Variants in MACROD2 observed in about 807,000 individuals in gnomAD.
MACROD2 encodes mono-ADP ribosylhydrolase 2.
MACROD2 carries 36 observed loss-of-function variants against 70.4 expected under a neutral mutation model. That is an observed-to-expected ratio of 0.51 (90% CI 0.39 to 0.68). MACROD2 has a LOEUF of 0.68. Among genes scored for constraint, MACROD2 ranks in the 30% least tolerant of loss-of-function variants. The pLI is 0.00. For missense variants in MACROD2, 496 were observed against 538.4 expected, an observed-to-expected ratio of 0.92 and a Z score of 0.78; for synonymous variants, 172 against 178.8, an observed-to-expected ratio of 0.96 and a Z score of 0.30.
At chr20:15,143,267 G>A (rs2076205852) in intron 5 of MACROD2, among the ~76,000 whole-genome samples, 1 of 152,196 alleles carries the variant, frequency 6.6e-6, no homozygotes, top group Non-Finnish European at 1.5e-5. Context: ...GGCCAGTGAT[G>A]ATGAGCATTT....
intron 5 of MACROD2, among the ~76,000 whole-genome samples, chr20:14,728,398 C>T (rs902390662): frequency 6.6e-6 from 1 of 151,870 alleles, no homozygotes; most frequent in Non-Finnish European, 1.5e-5. Context: ...TTTCTTTATT[C>T]TTCTCATATT....
chr20:15,811,134 A>G (rs1372546916), intron 8 of MACROD2, among the ~76,000 whole-genome samples: 3 of 152,212 alleles, frequency 2.0e-5, no homozygotes, highest in Admixed American at 1.3e-4. Context: ...AGAAACTGCC[A>G]TCAGAGTGAA....
intron 5 of MACROD2, among the ~76,000 whole-genome samples, chr20:15,018,742 G>A (rs922927924): frequency 1.4e-4 from 21 of 152,176 alleles, no homozygotes; most frequent in Non-Finnish European, 1.9e-4. Flanking sequence ...GTGCACACCA[G>A]ATTAAGGGTG....
At chr20:16,040,477 A>T (rs2067293357) in intron 15 of MACROD2, among the ~76,000 whole-genome samples, 1 of 152,036 alleles carries the variant, frequency 6.6e-6, no homozygotes, top group Non-Finnish European at 1.5e-5. Flanking sequence ...TTGCTCTTCA[A>T]GTTATAAAAA....
chr20:15,911,076 T>G (rs151134743), intron 10 of MACROD2, among the ~76,000 whole-genome samples: 13 of 152,316 alleles, frequency 8.5e-5, no homozygotes, highest in African/African-American at 2.9e-4. Context: ...TGAAATTGTT[T>G]CATTGTCTCC....
chr20:14,446,427 C>G (rs1009777749), intron 3 of MACROD2, among the ~76,000 whole-genome samples: 1 of 152,066 alleles, frequency 6.6e-6, no homozygotes, highest in Non-Finnish European at 1.5e-5. Flanking sequence ...ACCTCCCTAA[C>G]AAGGACACTG....
intron 4 of MACROD2, among the ~76,000 whole-genome samples, chr20:14,606,353 A>G (rs1052847014): frequency 2.9e-4 from 44 of 152,138 alleles, no homozygotes; most frequent in Non-Finnish European, 6.3e-4. Flanking sequence ...CATTTTCCTC[A>G]TAGGATTTTT....
chr20:15,054,686 T>C (rs1309234550), intron 5 of MACROD2, among the ~76,000 whole-genome samples: 2 of 152,160 alleles, frequency 1.3e-5, no homozygotes, highest in Admixed American at 6.5e-5. Flanking sequence ...TATTAGGTGC[T>C]CAGTAACAGC....
Position 15,509,236 on chromosome 20 carries a change from G to A in MACROD2, c.645+9389G>A, listed in dbSNP as rs186855802. Among the ~76,000 whole-genome samples, 20 of 152,190 alleles carry A rather than the reference G, an allele frequency of 1.3e-4. No individual in the cohort carries two copies. The East Asian group carries it at 3.9e-3, about 29-fold the overall frequency. The stretch of plus-strand genomic sequence containing the variant: ...GTCTTTCAATATTCCCTTCATACTG[G>A]AGGACCATCAAAAGATAGTAATTAA... On this transcript the variant is annotated intron_variant, in intron 8 of 17. Coordinates refer to ENST00000684519, the MANE Select transcript of MACROD2 (RefSeq NM_001351661.2).
chr20:15,666,301 C>A (rs6034250), intron 8 of MACROD2, among the ~76,000 whole-genome samples: 106,144 of 152,020 alleles, frequency 0.7, 37,562 homozygotes, highest in East Asian at 0.86. Flanking sequence ...ATCTAAATGA[C>A]TAATCAATCA....
intron 8 of MACROD2, among the ~76,000 whole-genome samples, chr20:15,756,648 A>C (rs2051352030): frequency 6.6e-6 from 1 of 152,212 alleles, no homozygotes; most frequent in Non-Finnish European, 1.5e-5. Flanking sequence ...CTGAATTTGA[A>C]TAACCAACAA....
intron 7 of MACROD2, among the ~76,000 whole-genome samples, chr20:15,486,587 G>T (rs2146464673): frequency 6.6e-6 from 1 of 152,244 alleles, no homozygotes. Context: ...TTCAATGCCT[G>T]GTAGGTCTGA....
intron 5 of MACROD2, among the ~76,000 whole-genome samples, chr20:14,935,922 T>C (rs1444962959): frequency 6.6e-6 from 1 of 152,216 alleles, no homozygotes; most frequent in African/African-American, 2.4e-5. Context: ...ATTTGAATCA[T>C]GTCCATCAAA....
chr20:15,102,459 A>G (rs1015129591), intron 5 of MACROD2, among the ~76,000 whole-genome samples: 1 of 151,996 alleles, frequency 6.6e-6, no homozygotes, highest in East Asian at 1.9e-4. Context: ...TGGTATATAT[A>G]GTAGTAGTGT....
intron 6 of MACROD2, among the ~76,000 whole-genome samples, chr20:15,322,229 G>T (rs1296613804): frequency 7.0e-6 from 1 of 143,670 alleles, no homozygotes; most frequent in Non-Finnish European, 1.6e-5. Context: ...AATGCCAGTG[G>T]ATTCAACTCA....
At chr20:14,684,402 C>T (rs1319588090) in intron 4 of MACROD2, among the ~76,000 whole-genome samples, 2 of 152,114 alleles carry the variant, frequency 1.3e-5, no homozygotes, top group Admixed American at 6.5e-5. Flanking sequence ...TTTTTCTTCT[C>T]TAACCTGTGG....
chr20:15,334,101 C>G, intron 6 of MACROD2, among the ~76,000 whole-genome samples: 1 of 151,542 alleles, frequency 6.6e-6, no homozygotes, highest in Non-Finnish European at 1.5e-5. Flanking sequence ...GTTCTTTGTC[C>G]CCTGTTCCCT....
At chr20:14,507,977 A>G (rs959874065) in intron 4 of MACROD2, among the ~76,000 whole-genome samples, 1 of 152,234 alleles carries the variant, frequency 6.6e-6, no homozygotes, top group Non-Finnish European at 1.5e-5. Flanking sequence ...CTCCTGAGAT[A>G]AGGGATGTGA....
intron 8 of MACROD2, among the ~76,000 whole-genome samples, chr20:15,532,780 C>T (rs754902345): frequency 1.3e-5 from 2 of 151,804 alleles, no homozygotes; most frequent in Non-Finnish European, 2.9e-5. Context: ...GGAAATCTTA[C>T]CCCCCATCCT....
Sources: allele counts gnomAD v4.1 joint callset (sites outside exome capture counted in the v4.1 genomes callset), GRCh38; gene constraint gnomAD v4.1.1; transcripts MANE v1.5; gene names NCBI Gene and HGNC (gene_info 2026-07-23, HGNC 2026-07-21).